The following ANGPT1 variants were observed in gnomAD, a reference collection of about 807,000 sequenced individuals.
ANGPT1 encodes angiopoietin 1, also known as angiopoietin-1.
Under a neutral mutation model 62.2 loss-of-function variants are expected in ANGPT1, and 17 were observed. That is an observed-to-expected ratio of 0.27 (90% confidence interval 0.19 to 0.41). The LOEUF is 0.41. Ranked by LOEUF, ANGPT1 falls within the 10% of genes least tolerant of loss-of-function variation. The pLI, the probability that ANGPT1 is intolerant of heterozygous loss-of-function variation, is 1.00. For synonymous variants in ANGPT1, 199 were observed against 198.9 expected, an observed-to-expected ratio of 1.00 and a Z score of 0.00; for missense variants, 478 against 594.9, an observed-to-expected ratio of 0.80 and a Z score of 2.04.
chr8:107,349,510 G>T (rs1159069792), intron 1 of ANGPT1, among the ~76,000 whole-genome samples: 1 of 152,070 alleles, frequency 6.6e-6, no homozygotes. Flanking sequence ...TTACAGATAA[G>T]TCTCCATTAT....
intron 1 of ANGPT1, among the ~76,000 whole-genome samples, chr8:107,409,960 TCCATCCATCCATC>T (rs1817230736): frequency 1.3e-5 from 2 of 151,878 alleles, no homozygotes; most frequent in Non-Finnish European, 2.9e-5. Flanking sequence ...CATCCATCCA[TCCATCCATCCATC>T]CATCCATCCA....
chr8:107,474,694 C>T (rs751745323), intron 1 of ANGPT1, among the ~76,000 whole-genome samples: 5 of 152,190 alleles, frequency 3.3e-5, no homozygotes, highest in Non-Finnish European at 7.3e-5. Flanking sequence ...CCCATTGTCT[C>T]AGCCCAAAAT....
At chr8:107,327,127 G>C (rs147058513) in intron 3 of ANGPT1, among the ~76,000 whole-genome samples, 1,802 of 152,066 alleles carry the variant, frequency 0.012, 14 homozygotes, top group Non-Finnish European at 0.019. Context: ...GAATTACTTT[G>C]TCAAGTCGAT....
chr8:107,291,643 C>T (rs995178023), intron 6 of ANGPT1, among the ~76,000 whole-genome samples: 1 of 151,972 alleles, frequency 6.6e-6, no homozygotes. Context: ...GATCTCCTGA[C>T]CTAGTGATCC....
intron 3 of ANGPT1, among the ~76,000 whole-genome samples, chr8:107,323,390 T>A (rs1190311881): frequency 6.6e-6 from 1 of 152,138 alleles, no homozygotes; most frequent in African/African-American, 2.4e-5. Flanking sequence ...CTTGGAGAAA[T>A]ACAGCACTGA....
chr8:107,263,215 G>A lies in ANGPT1; in HGVS notation c.1336+1006C>T, dbSNP rs181565700. Among the ~76,000 whole-genome samples, 590 of 151,870 alleles carry A rather than the reference G, an allele frequency of 3.9e-3. 3 individuals carry two copies. The highest frequency in any genetic ancestry group is 0.014 in the African/African-American group (571 of 41,438). On this transcript the variant is annotated intron_variant, in intron 8 of 8. Coordinates refer to ENST00000517746, the MANE Select transcript of ANGPT1 (RefSeq NM_001146.5). ...CTAAAAATAGAAAAATTAGCCGGGC[G>A]TGGTGGTGGGCACCTGTAATCCCAA... is the stretch of plus-strand genomic sequence containing the variant.
At chr8:107,440,723 G>T (rs2130429997) in intron 1 of ANGPT1, among the ~76,000 whole-genome samples, 1 of 152,234 alleles carries the variant, frequency 6.6e-6, no homozygotes, top group East Asian at 1.9e-4. Context: ...ACAGGCTGAT[G>T]GTGTTTAACT....
intron 2 of ANGPT1, among the ~76,000 whole-genome samples, chr8:107,345,218 T>C (rs73702004): frequency 0.046 from 7,032 of 152,262 alleles, 524 homozygotes; most frequent in African/African-American, 0.16. Flanking sequence ...TCACTGTATC[T>C]AATAAACTTT....
At position 107,493,425 on chromosome 8, in the gene ANGPT1, T is replaced by C. The variant is rs148717670; in HGVS notation, c.297+3837A>G. On this transcript the variant is annotated intron_variant, in intron 1 of 8. Transcript: ENST00000517746. ...CTTAAAGAATAATTAAGAAGATGAA[T>C]TGGAGTGACTAGAGAAGTTTTTGAG... Among the ~76,000 whole-genome samples, 233 of 150,378 alleles carry C rather than the reference T, an allele frequency of 1.5e-3. 17 individuals carry two copies. The highest frequency in any genetic ancestry group is 5.6e-3 in the African/African-American group (227 of 40,802).
At chr8:107,483,929 A>T (rs1812750419) in intron 1 of ANGPT1, among the ~76,000 whole-genome samples, 1 of 152,238 alleles carries the variant, frequency 6.6e-6, no homozygotes, top group Non-Finnish European at 1.5e-5. Context: ...ATATTTGTGA[A>T]AGTTTTTTAA....
intron 1 of ANGPT1, among the ~76,000 whole-genome samples, chr8:107,357,750 A>T (rs950821602): frequency 2.6e-5 from 4 of 152,202 alleles, no homozygotes; most frequent in African/African-American, 9.6e-5. Flanking sequence ...ATACTCAAGA[A>T]CAGAAGTTTG....
chr8:107,385,798 T>C (rs1816721189), intron 1 of ANGPT1, among the ~76,000 whole-genome samples: 1 of 152,094 alleles, frequency 6.6e-6, no homozygotes, highest in Admixed American at 6.6e-5. Context: ...TTTTAAGGTA[T>C]GTACCTTCGA....
intron 1 of ANGPT1, among the ~76,000 whole-genome samples, chr8:107,384,457 A>G (rs944605551): frequency 6.6e-6 from 1 of 152,172 alleles, no homozygotes; most frequent in Non-Finnish European, 1.5e-5. Flanking sequence ...TTACAAAAAA[A>G]AAATAGACTT....
At chr8:107,312,662 C>T (rs1358994487) in intron 4 of ANGPT1, among the ~76,000 whole-genome samples, 1 of 152,158 alleles carries the variant, frequency 6.6e-6, no homozygotes, top group African/African-American at 2.4e-5. Flanking sequence ...CCTCTGAATA[C>T]AGGGCTTCAC....
At chr8:107,443,609 G>T (rs973769093) in intron 1 of ANGPT1, among the ~76,000 whole-genome samples, 3 of 148,076 alleles carry the variant, frequency 2.0e-5, no homozygotes, top group Non-Finnish European at 4.5e-5. Flanking sequence ...AGGAGTTCAA[G>T]ACCAGCCTGA....
intron 3 of ANGPT1, among the ~76,000 whole-genome samples, chr8:107,332,524 G>A (rs987766168): frequency 6.6e-6 from 1 of 152,192 alleles, no homozygotes; most frequent in African/African-American, 2.4e-5. Flanking sequence ...TGAATCTCAT[G>A]AGGCCAAAAA....
intron 4 of ANGPT1, among the ~76,000 whole-genome samples, chr8:107,314,211 T>C (rs1301288896): frequency 6.6e-6 from 1 of 152,204 alleles, no homozygotes; most frequent in African/African-American, 2.4e-5. Context: ...AGTTTGCTCA[T>C]GGTAATATTG....
chr8:107,401,161 T>G (rs1458814960), intron 1 of ANGPT1, among the ~76,000 whole-genome samples: 1 of 152,122 alleles, frequency 6.6e-6, no homozygotes, highest in Non-Finnish European at 1.5e-5. Flanking sequence ...CATAAAATAT[T>G]CAAAACAGTC....
chr8:107,476,770 A>G (rs1812543184), intron 1 of ANGPT1, among the ~76,000 whole-genome samples: 1 of 152,208 alleles, frequency 6.6e-6, no homozygotes, highest in Admixed American at 6.5e-5. Context: ...TTTAAAATTT[A>G]GTACGTATTG....
Sources: gnomAD v4.1 joint callset for allele counts (sites outside exome capture counted in the v4.1 genomes callset) on GRCh38, gnomAD v4.1.1 for gene constraint, MANE v1.5 for transcripts, NCBI Gene and HGNC (gene_info 2026-07-23, HGNC 2026-07-21) for gene names.